Variants in USH1C observed in about 807,000 individuals in gnomAD.
The protein encoded by USH1C is USH1 protein network component harmonin.
In USH1C, 90 loss-of-function variants were observed where a neutral mutation model predicts 119.3. That is an observed-to-expected ratio of 0.75 (90% CI 0.64 to 0.90). The LOEUF (loss-of-function observed/expected upper bound fraction) is 0.90. USH1C is among the 40% of genes least tolerant of loss of function. The pLI is 0.00. For synonymous variants in USH1C, 465 were observed against 443.3 expected (o/e 1.05, Z -0.62); for missense variants, 1,165 against 1,167.7 (o/e 1.00, Z 0.03).
chr11:17,495,714 G>T (rs1372115615), intron 25 of USH1C, 37 bp from the exon 26 acceptor site: 1 of 1,606,618 alleles, frequency 6.2e-7, no homozygotes, highest in South Asian at 1.1e-5. Context: ...CACAAAACAG[G>T]CTTGGTTACT....
intron 15 of USH1C, among the ~76,000 whole-genome samples, chr11:17,513,730 C>T (rs1050789653): frequency 2.6e-5 from 4 of 152,020 alleles, no homozygotes; most frequent in Admixed American, 2.6e-4. Context: ...CAAGAGGAGC[C>T]AGAAACACTG....
At chr11:17,517,335 G>C (rs574545670) in intron 14 of USH1C, 3 of 1,495,028 alleles carry the variant, frequency 2.0e-6, no homozygotes, top group East Asian at 2.5e-5. Flanking sequence ...TCTGCACTGC[G>C]GTCAGGAGGA....
intron 14 of USH1C, chr11:17,516,754 C>A: frequency 3.7e-6 from 1 of 271,130 alleles, no homozygotes; most frequent in Non-Finnish European, 7.1e-6. Flanking sequence ...TTCGACAGAA[C>A]AAAACTGGCT....
intron 23 of USH1C, among the ~76,000 whole-genome samples, chr11:17,499,655 C>T (rs942889261): frequency 2.0e-5 from 3 of 152,220 alleles, no homozygotes; most frequent in African/African-American, 7.2e-5. Context: ...GCTGGGGCAG[C>T]TGCCCAGCTG....
Position 17,544,392 on chromosome 11 carries a change from G to T in USH1C, c.-85C>A, listed in dbSNP as rs1432397595. On this transcript the variant is annotated 5_prime_UTR_variant, in exon 1 of 27. Coordinates refer to ENST00000005226, the MANE Select transcript of USH1C (RefSeq NM_153676.4). ...AGGAGCTGGAAAGAGCCGCGACCGC[G>T]ACCGGGCCAGCCGCCCTCGGAGCTG... The T allele has an allele frequency of 2.3e-5, 37 of 1,593,582 alleles. No individual in the cohort carries two copies. In the South Asian group the frequency reaches 3.2e-4, roughly 14 times the overall value.
Position 17,494,217 on chromosome 11 carries a change from T to C in USH1C, c.*115A>G, listed in dbSNP as rs1849162023. On this transcript the variant is annotated 3_prime_UTR_variant, in exon 27 of 27. Transcript: ENST00000005226. ...GTTCAGGGCCAAAGGGAGTTTGAGA[T>C]TCCTGGGTGATAGATTCAGGTCCCA... 2 of 1,330,678 alleles carry C rather than the reference T, an allele frequency of 1.5e-6. No homozygotes were observed. Among genetic ancestry groups the C allele is most frequent in the Admixed American group, 3.9e-5 (2 of 50,734 alleles). 82.4% of individuals were successfully genotyped at this position (1,330,678 alleles called of 1,614,324 possible). A position where few individuals can be genotyped will look rare whatever the true frequency, so the allele number is the denominator to read the frequency against.
chr11:17,524,203 C>T (rs769245243), intron 9 of USH1C, among the ~76,000 whole-genome samples: 6 of 152,286 alleles, frequency 3.9e-5, no homozygotes, highest in South Asian at 2.1e-4. Flanking sequence ...ACTGAAGGTC[C>T]GCTCTTTGAT....
chr11:17,511,856 A>T (rs1365996072), intron 16 of USH1C, 46 bp downstream of exon 16: 5 of 1,591,386 alleles, frequency 3.1e-6, no homozygotes, highest in South Asian at 1.2e-5. Context: ...GAACGACCAC[A>T]TTGTGTCCCA....
In USH1C at chr11:17,509,813, G is replaced by A. The variant is rs778703128; in HGVS notation, c.1556C>T (p.Pro519Leu). 15 of 1,596,978 alleles carry A rather than the reference G, an allele frequency of 9.4e-6. No individual in the cohort carries two copies. The highest frequency in any genetic ancestry group is 8.9e-5 in the East Asian group (4 of 44,824). Residue 519 changes from proline to leucine, a missense_variant, in exon 18 of 27, where the codon CCG (proline) becomes CTG (leucine). Coordinates refer to ENST00000005226, the MANE Select transcript of USH1C (RefSeq NM_153676.4). ...TGGGGCCAGGGGAGACACAGAAGGC[G>A]GGGGAGGCGGGGGCCCTGTGGTCAT... ...SEMTTGPPPPPPSVSPLAPPL... is the reference protein window; with the variant it reads ...SEMTTGPPPPLPSVSPLAPPL...
intron 11 of USH1C, 91 bp from the exon 12 acceptor site, chr11:17,523,017 C>T: frequency 6.3e-7 from 1 of 1,596,754 alleles, no homozygotes; most frequent in Non-Finnish European, 8.6e-7. Flanking sequence ...AGGTGGTCTT[C>T]TCAGCACCAT....
Position 17,522,943 on chromosome 11 carries a change from G to A in USH1C, c.877-17C>T. 3 of 1,607,664 alleles carry A rather than the reference G, an allele frequency of 1.9e-6. No homozygotes were observed. Among genetic ancestry groups the A allele is most frequent in the East Asian group, 2.2e-5 (1 of 44,594 alleles). ...CTCCCGGCCCTCATGGGAGAAAAGA[G>A]GCCCCTTGCTCAGCCCCCGGGGAAC... On this transcript the variant is annotated splice_polypyrimidine_tract_variant and intron_variant, in intron 11 of 26. Coordinates refer to ENST00000005226, the MANE Select transcript of USH1C (RefSeq NM_153676.4).
intron 18 of USH1C, 38 bp downstream of exon 18, chr11:17,509,312 ACTCTTC>A: frequency 6.6e-7 from 1 of 1,523,760 alleles, no homozygotes. Flanking sequence ...AGTTCTCCCC[ACTCTTC>A]CTACTTCCAA....
chr11:17,501,071 C>T lies in USH1C; in HGVS notation c.2360G>A (p.Arg787Gln), dbSNP rs747189986. Residue 787 changes from arginine to glutamine, a missense_variant, in exon 23 of 27, where the codon CGG becomes CAG. Physicochemically the swap from Arg to Gln is conservative, Grantham distance 43 (BLOSUM62 1). Coordinates refer to ENST00000005226, the MANE Select transcript of USH1C (RefSeq NM_153676.4). ...CTCACCATGCCGCTCAGCAGCTCCC[C>T]GCTCATACACAGCAGAAACGACCAC... ...GKVVVSAVYE[R>Q]GAAERHGGIV... 19 of 1,613,896 alleles carry T rather than the reference C, an allele frequency of 1.2e-5. No homozygotes were observed. The highest frequency in any genetic ancestry group is 5.5e-5 in the South Asian group (5 of 91,044).
rs752517458 is a variant in USH1C at position 17,522,831 on chromosome 11, C to T, written c.972G>A (p.Ala324=). ...CCTGGAGGATCTTGTTGGACTCCAT[C>T]GCCAGCCGCTTCTGCATGAGAAGCT... is the stretch of plus-strand genomic sequence containing the variant. The part of the protein sequence containing the change: ...RQELLMQKRL[A]MESNKILQEQ... The change falls in exon 12 of 27, where the codon GCG becomes GCA. Residue 324 remains alanine, a synonymous_variant. Transcript: ENST00000005226. The T allele has an allele frequency of 6.2e-6, 10 of 1,613,682 alleles. No individual in the cohort carries two copies. Among genetic ancestry groups the T allele is most frequent in the South Asian group, 4.4e-5 (4 of 91,080 alleles).
chr11:17,530,241 A>G (rs577138201), intron 4 of USH1C, among the ~76,000 whole-genome samples: 18 of 152,184 alleles, frequency 1.2e-4, no homozygotes, highest in South Asian at 2.1e-4. Context: ...CTTTATCTCA[A>G]CACACAAAAA....
At chr11:17,533,853 C>A in intron 1 of USH1C, 1 of 429,116 alleles carries the variant, frequency 2.3e-6, no homozygotes, top group Admixed American at 2.4e-5. Flanking sequence ...GACCTTCACT[C>A]TGTCTTGTCC....
intron 15 of USH1C, chr11:17,514,439 G>C (rs1304487929): frequency 6.6e-6 from 1 of 152,230 alleles, no homozygotes; most frequent in African/African-American, 2.4e-5. Flanking sequence ...GGCTGGTCTT[G>C]AACTCCCAAC....
chr11:17,509,547 G>T lies in USH1C; in HGVS notation c.1822C>A (p.Pro608Thr). 6.2e-7 allele frequency: 1 copy of T among 1,601,156 alleles called. No individual in the cohort carries two copies. Among genetic ancestry groups the T allele is most frequent in the Non-Finnish European group, 8.5e-7 (1 of 1,172,436 alleles). Residue 608 changes from proline to threonine, a missense_variant, in exon 18 of 27, where the codon CCG becomes ACG. Pro to Thr is a conservative substitution (Grantham distance 38, BLOSUM62 -1). Coordinates refer to ENST00000005226, the MANE Select transcript of USH1C (RefSeq NM_153676.4). ...RTPPPIPIPP[P>T]PSVPTQDLTP... Reference sequence around the variant, plus strand: ...AGGTCTTGGGTGGGAACGGATGGCGGGGGAGGGATGGGAATGGGGGGTGGA... The same window carrying T: ...AGGTCTTGGGTGGGAACGGATGGCGTGGGAGGGATGGGAATGGGGGGTGGA...
intron 1 of USH1C, among the ~76,000 whole-genome samples, chr11:17,542,818 G>A (rs1043106012): frequency 6.6e-6 from 1 of 152,196 alleles, no homozygotes; most frequent in African/African-American, 2.4e-5. Context: ...AATTTCTTCC[G>A]ACATGTCTCT....
Sources: allele counts gnomAD v4.1 joint callset (sites outside exome capture counted in the v4.1 genomes callset), GRCh38; gene constraint gnomAD v4.1.1; transcripts MANE v1.5; gene names NCBI Gene and HGNC (gene_info 2026-07-23, HGNC 2026-07-21).